The following SKIC3 variants were observed in gnomAD, a reference collection of about 807,000 sequenced individuals.
SKIC3 encodes superkiller complex protein 3.
At chr5:95,471,528 A>G in the SKIC3 span, among the ~76,000 whole-genome samples, 2 of 145,546 alleles carry the variant, frequency 1.4e-5, no homozygotes, top group African/African-American at 2.7e-5. Flanking sequence ...TACAGTCTCA[A>G]TTAGAATGTC....
the SKIC3 span, chr5:95,528,975 G>T: frequency 6.2e-7 from 1 of 1,602,684 alleles, no homozygotes; most frequent in Middle Eastern, 1.7e-4. Flanking sequence ...ACCCTTATAT[G>T]TCAACCCAAA....
At chr5:95,503,218 T>C in the SKIC3 span, among the ~76,000 whole-genome samples, 7,212 of 152,290 alleles carry the variant, frequency 0.047, 223 homozygotes, top group East Asian at 0.11. Flanking sequence ...GATTATTATG[T>C]GACAATCCCT....
At chr5:95,541,203 TG>T in the SKIC3 span, 1 of 1,049,432 alleles carries the variant, frequency 9.5e-7, no homozygotes, top group South Asian at 1.3e-5. Context: ...CGACCTCAGG[TG>T]ATCTGCCTGC....
chr5:95,510,653 C>A, the SKIC3 span, among the ~76,000 whole-genome samples: 1 of 152,210 alleles, frequency 6.6e-6, no homozygotes, highest in Non-Finnish European at 1.5e-5. Context: ...TCCAACCCAA[C>A]TAATCAGCAC....
chr5:95,500,902 G>A, the SKIC3 span, among the ~76,000 whole-genome samples: 2 of 152,010 alleles, frequency 1.3e-5, no homozygotes, highest in African/African-American at 2.4e-5. Context: ...TTTTTGGAAG[G>A]GGGAAATTAA....
At chr5:95,509,947 A>G in the SKIC3 span, among the ~76,000 whole-genome samples, 1 of 152,186 alleles carries the variant, frequency 6.6e-6, no homozygotes, top group African/African-American at 2.4e-5. Context: ...AAGGTATAAT[A>G]ACTTGAAATT....
At chr5:95,485,665 A>C in the SKIC3 span, among the ~76,000 whole-genome samples, 1 of 152,150 alleles carries the variant, frequency 6.6e-6, no homozygotes. Flanking sequence ...GATTTTCTGA[A>C]AGAATTTGAG....
chr5:95,528,959 T>A, the SKIC3 span: 1 of 1,522,590 alleles, frequency 6.6e-7, no homozygotes, highest in Non-Finnish European at 9.1e-7. Flanking sequence ...ACAAATAGGG[T>A]TGGTCACCCT....
chr5:95,536,732 A>T, the SKIC3 span: 7 of 1,062,736 alleles, frequency 6.6e-6, no homozygotes, highest in Admixed American at 5.1e-5. Flanking sequence ...TAAACATGGT[A>T]GACACTAAAA....
the SKIC3 span, chr5:95,509,636 T>C: frequency 6.2e-7 from 1 of 1,614,088 alleles, no homozygotes; most frequent in Non-Finnish European, 8.5e-7. Flanking sequence ...TTGTAGATGT[T>C]CGTTTAAGTA....
the SKIC3 span, chr5:95,513,452 C>T: frequency 2.7e-6 from 3 of 1,124,312 alleles, no homozygotes; most frequent in Non-Finnish European, 4.0e-6. Context: ...CTTGGCATCC[C>T]AAATCACTGG....
chr5:95,491,032 A>T, the SKIC3 span: 1 of 1,613,860 alleles, frequency 6.2e-7, no homozygotes, highest in Admixed American at 1.7e-5. Context: ...AGATAGCAGG[A>T]TCACCTGAAA....
chr5:95,509,699 G>A, the SKIC3 span: 1 of 1,560,712 alleles, frequency 6.4e-7, no homozygotes, highest in Non-Finnish European at 8.8e-7. Context: ...TAGAAAATGA[G>A]AAATATCTTC....
At chr5:95,527,999 C>A in the SKIC3 span, 1 of 1,613,284 alleles carries the variant, frequency 6.2e-7, no homozygotes, top group Non-Finnish European at 8.5e-7. Flanking sequence ...AAGAAAAAAA[C>A]TTGACAAGTC....
chr5:95,542,148 C>A, the SKIC3 span, among the ~76,000 whole-genome samples: 2 of 152,068 alleles, frequency 1.3e-5, no homozygotes, highest in Non-Finnish European at 2.9e-5. Flanking sequence ...GTATATCATT[C>A]CCTTTTCTTT....
chr5:95,524,970 AC>A, the SKIC3 span, among the ~76,000 whole-genome samples: 4 of 151,694 alleles, frequency 2.6e-5, no homozygotes, highest in African/African-American at 9.7e-5. Context: ...TGCAACCTCC[AC>A]CCCCCAGGTT....
the SKIC3 span, chr5:95,490,983 G>C: frequency 1.2e-6 from 2 of 1,614,028 alleles, no homozygotes; most frequent in Non-Finnish European, 1.7e-6. Context: ...ACTAAGGCCA[G>C]TTTATCATCA....
chr5:95,512,430 T>G, the SKIC3 span: 5 of 1,578,898 alleles, frequency 3.2e-6, no homozygotes, highest in Non-Finnish European at 3.5e-6. Flanking sequence ...TTTAAATTAT[T>G]TCAATAGTTG....
chr5:95,466,677 T>A, the SKIC3 span, among the ~76,000 whole-genome samples: 8 of 152,220 alleles, frequency 5.3e-5, no homozygotes, highest in Non-Finnish European at 1.0e-4. Flanking sequence ...ATGGACATTC[T>A]CTCCTTTGGT....
Sources: gnomAD v4.1 joint callset for allele counts (sites outside exome capture counted in the v4.1 genomes callset) on GRCh38, gnomAD v4.1.1 for gene constraint, MANE v1.5 for transcripts, NCBI Gene and HGNC (gene_info 2026-07-23, HGNC 2026-07-21) for gene names.